The following UST variants were observed in gnomAD, a reference collection of about 807,000 sequenced individuals.
The protein encoded by UST is chondroitin sulfate 2-O-sulfotransferase.
A neutral mutation model predicts 45.6 loss-of-function variants in UST; 21 were observed. The ratio of observed to expected loss-of-function variants is 0.46; its 90% CI spans 0.33 to 0.66. UST has a LOEUF of 0.66. UST is among the 30% of genes least tolerant of loss of function. UST has a pLI of 0.02. For missense variants in UST, 463 were observed against 512.4 expected (o/e 0.90, Z 0.93); for synonymous variants, 215 against 200.6 (o/e 1.07, Z -0.61).
chr6:148,827,541 A>G (rs548712931), intron 1 of UST, among the ~76,000 whole-genome samples: 1 of 152,006 alleles, frequency 6.6e-6, no homozygotes, highest in African/African-American at 2.4e-5. Context: ...GCTTGAATCC[A>G]GGAGGTGGAG....
At chr6:148,901,562 T>A (rs1338530194) in intron 2 of UST, among the ~76,000 whole-genome samples, 2 of 151,260 alleles carry the variant, frequency 1.3e-5, no homozygotes, top group East Asian at 3.9e-4. Flanking sequence ...TCACTTTTTT[T>A]TTTTTTTTTT....
intron 1 of UST, among the ~76,000 whole-genome samples, chr6:148,869,862 A>G (rs1446597149): frequency 6.6e-6 from 1 of 152,222 alleles, no homozygotes; most frequent in Non-Finnish European, 1.5e-5. Context: ...AGACACAGTC[A>G]TGACCAGTCA....
intron 4 of UST, among the ~76,000 whole-genome samples, chr6:148,962,350 A>G (rs1432776887): frequency 2.0e-5 from 3 of 152,358 alleles, no homozygotes; most frequent in East Asian, 3.9e-4. Flanking sequence ...ATGGATTCAC[A>G]TGATTGGGCA....
intron 1 of UST, among the ~76,000 whole-genome samples, chr6:148,883,764 A>G (rs1483051527): frequency 6.6e-6 from 1 of 152,172 alleles, no homozygotes; most frequent in African/African-American, 2.4e-5. Context: ...TATGAGATGG[A>G]CTTCTGCACA....
chr6:148,973,364 T>C (rs1780957192), intron 5 of UST, among the ~76,000 whole-genome samples: 1 of 151,940 alleles, frequency 6.6e-6, no homozygotes, highest in Non-Finnish European at 1.5e-5. Context: ...TCTGGACATC[T>C]TTTTATTTAG....
chr6:148,865,664 T>TTGTGTGTGTG (rs56252604), intron 1 of UST, among the ~76,000 whole-genome samples: 10 of 117,906 alleles, frequency 8.5e-5, no homozygotes, highest in African/African-American at 2.1e-4. Context: ...CTTGCTGAAA[T>TTGTGTGTGTG]TGTGTGTGTG....
At chr6:149,012,523 C>G (rs1405360362) in intron 5 of UST, among the ~76,000 whole-genome samples, 2 of 152,160 alleles carry the variant, frequency 1.3e-5, no homozygotes, top group African/African-American at 4.8e-5. Flanking sequence ...AGAAACCGTC[C>G]TTTTCCATAA....
At chr6:148,751,789 C>CA (rs1170154583) in intron 1 of UST, among the ~76,000 whole-genome samples, 3 of 151,512 alleles carry the variant, frequency 2.0e-5, no homozygotes, top group Non-Finnish European at 4.4e-5. Context: ...GGAAAACAAA[C>CA]AAAAAATCAA....
intron 1 of UST, among the ~76,000 whole-genome samples, chr6:148,819,356 A>T (rs927112355): frequency 6.6e-6 from 1 of 152,246 alleles, no homozygotes; most frequent in African/African-American, 2.4e-5. Flanking sequence ...ACGATTTGAC[A>T]TAATGTTCAC....
intron 7 of UST, among the ~76,000 whole-genome samples, chr6:149,039,195 A>G (rs1249121887): frequency 2.6e-5 from 4 of 152,056 alleles, no homozygotes; most frequent in Non-Finnish European, 2.9e-5. Context: ...TCCAGACACT[A>G]TGCGCTGTGA....
intron 1 of UST, among the ~76,000 whole-genome samples, chr6:148,775,649 A>G (rs1017250958): frequency 3.6e-5 from 5 of 139,544 alleles, no homozygotes; most frequent in East Asian, 2.0e-4. Context: ...TGGGGCGGGG[A>G]GAGAGTCTCA....
At position 149,010,007 on chromosome 6, in the gene UST, A is replaced by G. The variant is rs376996204; in HGVS notation, c.682-9132A>G. 4.6e-5 allele frequency among the ~76,000 whole-genome samples: 7 copies of G among 151,668 alleles called. 1 individual carries two copies. Among genetic ancestry groups the G allele is most frequent in the Admixed American group, 1.3e-4 (2 of 15,272 alleles). ...TTTTCTTCCCATCTATCTTTAAAAT[A>G]TAAGTTTTTTTAAAAAAAAAACTAG... On this transcript the variant is annotated intron_variant, in intron 5 of 7. Transcript: ENST00000367463.
chr6:148,789,599 G>T (rs1471681257), intron 1 of UST, among the ~76,000 whole-genome samples: 1 of 151,970 alleles, frequency 6.6e-6, no homozygotes, highest in Non-Finnish European at 1.5e-5. Flanking sequence ...ACCCAGGCTG[G>T]AGTGCAGTGA....
chr6:149,050,337 C>A (rs1053753196), intron 7 of UST, among the ~76,000 whole-genome samples: 3 of 152,178 alleles, frequency 2.0e-5, no homozygotes. Context: ...GACTCATCAG[C>A]TATTTTCATA....
chr6:148,766,829 A>G (rs1169519003), intron 1 of UST, among the ~76,000 whole-genome samples: 6 of 152,226 alleles, frequency 3.9e-5, no homozygotes, highest in African/African-American at 1.2e-4. Context: ...GTAAAGAACC[A>G]CTGTAGCAGA....
At chr6:149,021,547 A>C in intron 7 of UST, 66 bp downstream of exon 7, 6 of 1,559,002 alleles carry the variant, frequency 3.8e-6, no homozygotes, top group Non-Finnish European at 5.3e-6. Context: ...TCACCTTGAA[A>C]AGGCCTCAGG....
At chr6:148,968,052 G>A (rs939445493) in intron 5 of UST, among the ~76,000 whole-genome samples, 1 of 152,202 alleles carries the variant, frequency 6.6e-6, no homozygotes, top group Non-Finnish European at 1.5e-5. Flanking sequence ...GTGGGGTAAA[G>A]TCCCTGCCAG....
rs553459423 is a variant in UST at position 148,949,018 on chromosome 6, C to T, written c.448-4854C>T. Among the ~76,000 whole-genome samples the T allele has an allele frequency of 5.6e-4, 85 of 152,144 alleles. No homozygotes were observed. In the East Asian group the frequency reaches 0.011, roughly 19 times the overall value. On this transcript the variant is annotated intron_variant, in intron 3 of 7. Transcript: ENST00000367463. ...AATAATACTTATCCATGGCTGGGCA[C>T]GGTGGCTCACACCTGTAATCCTAGC...
chr6:148,859,996 T>C (rs970402333), intron 1 of UST, among the ~76,000 whole-genome samples: 15 of 152,234 alleles, frequency 9.9e-5, no homozygotes, highest in African/African-American at 3.6e-4. Context: ...TGGTTCCACA[T>C]GAACTTTAAA....
Sources: gnomAD v4.1 joint callset for allele counts (sites outside exome capture counted in the v4.1 genomes callset) on GRCh38, gnomAD v4.1.1 for gene constraint, MANE v1.5 for transcripts, NCBI Gene and HGNC (gene_info 2026-07-23, HGNC 2026-07-21) for gene names.